Variants in NALCN observed in about 807,000 individuals in gnomAD.
NALCN encodes sodium leak channel NALCN.
A neutral mutation model predicts 225.3 loss-of-function variants in NALCN; 111 were observed. That is an observed-to-expected ratio of 0.49 (90% CI 0.42 to 0.58). The LOEUF (loss-of-function observed/expected upper bound fraction) is 0.58. Ranked by LOEUF, NALCN falls within the 20% of genes least tolerant of loss-of-function variation. NALCN has a pLI of 0.00. For synonymous variants in NALCN, 764 were observed against 769.0 expected (o/e 0.99, Z 0.11); for missense variants, 1,378 against 2,202.4 (o/e 0.63, Z 7.49).
intron 1 of NALCN, among the ~76,000 whole-genome samples, chr13:101,414,133 C>T (rs2047866236): frequency 6.6e-6 from 1 of 151,514 alleles, no homozygotes; most frequent in South Asian, 2.1e-4. Context: ...AATAGGCCTG[C>T]CTTGGCCTCC....
At chr13:101,147,481 T>C (rs930069866) in intron 15 of NALCN, among the ~76,000 whole-genome samples, 6 of 151,988 alleles carry the variant, frequency 3.9e-5, no homozygotes, top group East Asian at 1.9e-4. Context: ...TCGCTGGAAT[T>C]ATAAGCATGC....
At chr13:101,108,140 A>G (rs1441358397) in intron 20 of NALCN, among the ~76,000 whole-genome samples, 1 of 149,490 alleles carries the variant, frequency 6.7e-6, no homozygotes, top group Non-Finnish European at 1.5e-5. Flanking sequence ...ATATATTTAC[A>G]TTAAATATGT....
At chr13:101,128,743 TA>T (rs944558746) in intron 17 of NALCN, among the ~76,000 whole-genome samples, 1 of 150,468 alleles carries the variant, frequency 6.6e-6, no homozygotes, top group African/African-American at 2.4e-5. Context: ...TTTTTTTTTT[TA>T]AGAGATGGGG....
At chr13:101,056,994 A>G (rs1204777948) in intron 43 of NALCN, 1 of 152,162 alleles carries the variant, frequency 6.6e-6, no homozygotes, top group Non-Finnish European at 1.5e-5. Flanking sequence ...AAGTTCCTGG[A>G]TATGAAAGGG....
chr13:101,208,713 G>C lies in NALCN; in HGVS notation c.1627-16659C>G, dbSNP rs76261048. Among the ~76,000 whole-genome samples, 854 of 152,280 alleles carry C rather than the reference G, an allele frequency of 5.6e-3. 29 individuals carry two copies. The highest frequency in any genetic ancestry group is 0.042 in the East Asian group (216 of 5,170). On this transcript the variant is annotated intron_variant, in intron 13 of 43. Transcript: ENST00000251127. Reference sequence around the variant, plus strand: ...TGTCTATGATAACGAGTGAGCTCTCGCTCTAAGCTCTAAATTCACAGGAGA... The same window carrying C: ...TGTCTATGATAACGAGTGAGCTCTCCCTCTAAGCTCTAAATTCACAGGAGA...
intron 17 of NALCN, among the ~76,000 whole-genome samples, 195 bp from the exon 18 acceptor site, chr13:101,124,876 G>A (rs535366762): frequency 5.8e-4 from 88 of 152,228 alleles, no homozygotes; most frequent in Non-Finnish European, 1.2e-3. Flanking sequence ...GGGGCCCCAC[G>A]TCCCAGCCAC....
At chr13:101,232,023 C>T (rs1365626795) in intron 12 of NALCN, among the ~76,000 whole-genome samples, 6 of 146,444 alleles carry the variant, frequency 4.1e-5, no homozygotes, top group East Asian at 4.0e-4. Context: ...TAATCCCCAA[C>T]GGGTACTGCT....
intron 13 of NALCN, among the ~76,000 whole-genome samples, chr13:101,193,296 A>G (rs73558503): frequency 0.04 from 6,025 of 152,194 alleles, 385 homozygotes; most frequent in African/African-American, 0.14. Context: ...CTAATTACAT[A>G]GTAATCTAAG....
intron 7 of NALCN, among the ~76,000 whole-genome samples, chr13:101,310,711 A>T (rs1466934448): frequency 6.6e-6 from 1 of 152,078 alleles, no homozygotes; most frequent in Non-Finnish European, 1.5e-5. Context: ...CACTGTTGTG[A>T]TCAAATGCCT....
At chr13:101,329,410 C>T (rs2045079265) in intron 7 of NALCN, among the ~76,000 whole-genome samples, 1 of 152,142 alleles carries the variant, frequency 6.6e-6, no homozygotes, top group South Asian at 2.1e-4. Flanking sequence ...TCTCAGTACT[C>T]AATAATTATT....
intron 15 of NALCN, 140 bp downstream of exon 15, chr13:101,176,160 A>T: frequency 4.3e-6 from 2 of 461,130 alleles, no homozygotes; most frequent in Non-Finnish European, 7.3e-6. Context: ...AGTTAAACTT[A>T]ACACCATTTT....
intron 13 of NALCN, among the ~76,000 whole-genome samples, chr13:101,215,685 T>C (rs1300441308): frequency 6.6e-6 from 1 of 151,616 alleles, no homozygotes; most frequent in East Asian, 1.9e-4. Flanking sequence ...GGCTTACTTT[T>C]TTTTTCCTAT....
chr13:101,229,740 C>A (rs1186028784), intron 12 of NALCN, among the ~76,000 whole-genome samples, 156 bp from the exon 13 acceptor site: 1 of 152,040 alleles, frequency 6.6e-6, no homozygotes, highest in Non-Finnish European at 1.5e-5. Flanking sequence ...AATAGAATAA[C>A]CATTGGTCTA....
chr13:101,065,056 C>G (rs561441593), intron 40 of NALCN, among the ~76,000 whole-genome samples: 68 of 152,320 alleles, frequency 4.5e-4, no homozygotes, highest in Admixed American at 3.0e-3. Context: ...AAGCAAGTCA[C>G]TCAGCTCTTC....
In NALCN at chr13:101,376,987, T is replaced by A; in HGVS notation, c.445A>T (p.Ile149Phe). 6.2e-7 allele frequency: 1 copy of A among 1,614,210 alleles called. No homozygotes were observed. Among genetic ancestry groups the A allele is most frequent in the Non-Finnish European group, 8.5e-7 (1 of 1,180,028 alleles). The change falls in exon 5 of 44, where the codon ATT (isoleucine) becomes TTT (phenylalanine). Residue 149 changes from isoleucine (I) to phenylalanine (F), a missense_variant. By Grantham distance (21) the Ile-to-Phe change is conservative (BLOSUM62 0). Transcript: ENST00000251127. ...TAAATCCGGAATGCTCGGATCATAA[T>A]CAGTGGCCGTGGAATCCGCAACATG... Reference protein sequence around the residue: ...WGMLRIPRPLIMIRAFRIYFR... With the variant: ...WGMLRIPRPLFMIRAFRIYFR...
chr13:101,139,611 T>C (rs1190574348), intron 17 of NALCN, among the ~76,000 whole-genome samples: 1 of 152,116 alleles, frequency 6.6e-6, no homozygotes, highest in African/African-American at 2.4e-5. Flanking sequence ...GTGGTTTTTT[T>C]TTTTCACGTA....
At chr13:101,139,304 A>AC (rs2036951918) in intron 17 of NALCN, among the ~76,000 whole-genome samples, 1 of 151,934 alleles carries the variant, frequency 6.6e-6, no homozygotes, top group Admixed American at 6.6e-5. Context: ...GCTTCATCAA[A>AC]CCCCAGCCCC....
At chr13:101,137,406 C>G (rs1456916585) in intron 17 of NALCN, among the ~76,000 whole-genome samples, 1 of 151,952 alleles carries the variant, frequency 6.6e-6, no homozygotes, top group South Asian at 2.1e-4. Context: ...TTAAGGTGAA[C>G]AAACATTCAT....
chr13:101,066,092 G>A lies in NALCN; in HGVS notation c.4447-531C>T, dbSNP rs545951679. Among the ~76,000 whole-genome samples the A allele has an allele frequency of 8.5e-5, 13 of 152,210 alleles. No individual in the cohort carries two copies. In the South Asian group the frequency reaches 2.3e-3, roughly 27 times the overall value. On this transcript the variant is annotated intron_variant, in intron 39 of 43. Coordinates refer to ENST00000251127, the MANE Select transcript of NALCN (RefSeq NM_052867.4). ...TGTAATCTCAGCACTTTGGGAGGCC[G>A]AGGCGGGTGGATCACCTGAGGTCAG... is the stretch of plus-strand genomic sequence containing the variant.
Sources: gnomAD v4.1 joint callset for allele counts (sites outside exome capture counted in the v4.1 genomes callset) on GRCh38, gnomAD v4.1.1 for gene constraint, MANE v1.5 for transcripts, NCBI Gene and HGNC (gene_info 2026-07-23, HGNC 2026-07-21) for gene names.